Variants in ERICH5 observed in about 807,000 individuals in gnomAD.
The protein encoded by ERICH5 is glutamate-rich protein 5.
In ERICH5, 24 loss-of-function variants were observed where a neutral mutation model predicts 28.0. That is an observed-to-expected ratio of 0.86 (90% CI 0.62 to 1.21). The LOEUF is 1.21. ERICH5 is among the 50% of genes most tolerant of loss of function. ERICH5 has a pLI of 0.00. For missense variants in ERICH5, 421 were observed against 441.2 expected, an observed-to-expected ratio of 0.95 and a Z score of 0.41; for synonymous variants, 163 against 157.6, an observed-to-expected ratio of 1.03 and a Z score of -0.25.
intron 1 of ERICH5, among the ~76,000 whole-genome samples, chr8:98,073,704 G>A (rs1814994612): frequency 1.3e-5 from 2 of 148,422 alleles, no homozygotes; most frequent in African/African-American, 5.0e-5. Context: ...CACCATGCCC[G>A]GCTAATTTTT....
intron 1 of ERICH5, among the ~76,000 whole-genome samples, chr8:98,071,294 T>C (rs1463597774): frequency 6.6e-6 from 1 of 151,788 alleles, no homozygotes; most frequent in East Asian, 1.9e-4. Context: ...AAAGAAAAAA[T>C]CATGCTTCTG....
At chr8:98,077,183 G>A (rs888844019) in intron 1 of ERICH5, among the ~76,000 whole-genome samples, 5 of 152,116 alleles carry the variant, frequency 3.3e-5, no homozygotes, top group Non-Finnish European at 7.4e-5. Flanking sequence ...TGGAAAGATT[G>A]AATGAGATAA....
At chr8:98,075,896 G>A (rs947229782) in intron 1 of ERICH5, among the ~76,000 whole-genome samples, 1 of 147,938 alleles carries the variant, frequency 6.8e-6, no homozygotes, top group African/African-American at 2.5e-5. Flanking sequence ...GTGAGCCACC[G>A]TGCCTGGCCA....
At chr8:98,092,025 T>TCCTTCCTTCCTTCCTTCCTTCCTTCC (rs58823485) in intron 2 of ERICH5, among the ~76,000 whole-genome samples, 50 of 146,294 alleles carry the variant, frequency 3.4e-4, no homozygotes, top group Middle Eastern at 3.4e-3. Flanking sequence ...CTTCCTTCCT[T>TCCTTCCTTCCTTCCTTCCTTCCTTCC]TCGAGACAAG....
intron 2 of ERICH5, among the ~76,000 whole-genome samples, chr8:98,091,900 C>CTTTTCTTTCTTTCTTTCTTT: frequency 1.3e-5 from 1 of 74,676 alleles, no homozygotes; most frequent in African/African-American, 5.6e-5. Flanking sequence ...TTCTTTCTTT[C>CTTTTCTTTCTTTCTTTCTTT]CTTTCTTTCT....
intron 1 of ERICH5, among the ~76,000 whole-genome samples, chr8:98,070,389 G>C (rs1261610479): frequency 4.6e-5 from 7 of 151,630 alleles, no homozygotes; most frequent in African/African-American, 1.7e-4. Flanking sequence ...GGGCGCAGTG[G>C]CTTACCCCTG....
At position 98,091,267 on chromosome 8, in the gene ERICH5, G is replaced by A. The variant is rs539515513; in HGVS notation, c.1012+1238G>A. Among the ~76,000 whole-genome samples the A allele has an allele frequency of 3.9e-5, 6 of 152,146 alleles. No individual in the cohort carries two copies. The South Asian group carries it at 1.2e-3, about 32-fold the overall frequency. On this transcript the variant is annotated intron_variant, in intron 2 of 2. Transcript: ENST00000318528. ...TTCATTTATTAACTCAGCATTTTTT[G>A]GCATGCCTAAACATATGCTAGGTGC...
chr8:98,069,866 G>A (rs969201013), intron 1 of ERICH5, among the ~76,000 whole-genome samples: 3 of 152,232 alleles, frequency 2.0e-5, no homozygotes, highest in Admixed American at 6.5e-5. Context: ...AAAACTTTCA[G>A]ACATTTGTGC....
intron 1 of ERICH5, among the ~76,000 whole-genome samples, chr8:98,077,768 C>T (rs1177913209): frequency 6.6e-6 from 1 of 152,136 alleles, no homozygotes; most frequent in African/African-American, 2.4e-5. Context: ...TGAGGTCTCA[C>T]TATGTTGCCC....
At chr8:98,078,038 G>A (rs954652578) in intron 1 of ERICH5, among the ~76,000 whole-genome samples, 9 of 151,960 alleles carry the variant, frequency 5.9e-5, no homozygotes, top group Non-Finnish European at 1.3e-4. Flanking sequence ...CATTTTTTTG[G>A]TTGATAATTT....
intron 2 of ERICH5, among the ~76,000 whole-genome samples, chr8:98,091,273 C>T (rs1164302559): frequency 6.6e-6 from 1 of 152,116 alleles, no homozygotes; most frequent in East Asian, 1.9e-4. Context: ...TTTTGGCATG[C>T]CTAAACATAT....
chr8:98,074,082 A>G (rs1174844362), intron 1 of ERICH5, among the ~76,000 whole-genome samples: 2 of 151,140 alleles, frequency 1.3e-5, no homozygotes, highest in Non-Finnish European at 2.9e-5. Flanking sequence ...TTTTTTGGAG[A>G]GTTGACATTT....
In ERICH5 at chr8:98,075,741, C is replaced by A. The variant is rs117466548; in HGVS notation, c.58+11014C>A. 1.7e-4 allele frequency among the ~76,000 whole-genome samples: 25 copies of A among 146,056 alleles called. No individual in the cohort carries two copies. The East Asian group carries it at 5.3e-3, about 31-fold the overall frequency. On this transcript the variant is annotated intron_variant, in intron 1 of 2. Transcript: ENST00000318528. ...GTAAAATTTCAGTCTTCCATCCCAG[C>A]CACACAGTTGCTAACTGCTAACTCC...
At chr8:98,091,900 C>CTTTCTTTCTTCCTTTCTTT in intron 2 of ERICH5, among the ~76,000 whole-genome samples, 23 of 74,710 alleles carry the variant, frequency 3.1e-4, no homozygotes, top group African/African-American at 1.2e-3. Flanking sequence ...TTCTTTCTTT[C>CTTTCTTTCTTCCTTTCTTT]CTTTCTTTCT....
chr8:98,071,476 G>A (rs1814917094), intron 1 of ERICH5, among the ~76,000 whole-genome samples: 1 of 152,042 alleles, frequency 6.6e-6, no homozygotes. Context: ...GTAGTACTAG[G>A]TAATTTTTTT....
intron 1 of ERICH5, among the ~76,000 whole-genome samples, chr8:98,072,199 C>T (rs910902955): frequency 2.6e-5 from 4 of 152,196 alleles, no homozygotes; most frequent in African/African-American, 9.7e-5. Flanking sequence ...GGTTTATAGC[C>T]ATGCCAGCAT....
chr8:98,083,851 G>A (rs1315448472), intron 1 of ERICH5, among the ~76,000 whole-genome samples: 4 of 151,908 alleles, frequency 2.6e-5, no homozygotes, highest in African/African-American at 7.3e-5. Flanking sequence ...GTCTCTCACT[G>A]CCCTAAATCC....
At chr8:98,079,199 C>G (rs1447445199) in intron 1 of ERICH5, among the ~76,000 whole-genome samples, 3 of 115,282 alleles carry the variant, frequency 2.6e-5, no homozygotes, top group East Asian at 3.1e-4. Flanking sequence ...GAGACAGGGT[C>G]TCTGTCTGTT....
intron 2 of ERICH5, among the ~76,000 whole-genome samples, chr8:98,090,244 T>G (rs774502338): frequency 1.3e-5 from 2 of 152,204 alleles, no homozygotes; most frequent in Non-Finnish European, 2.9e-5. Flanking sequence ...ATCATCTCTG[T>G]CCAAAATTTT....
Sources: allele counts gnomAD v4.1 joint callset (sites outside exome capture counted in the v4.1 genomes callset), GRCh38; gene constraint gnomAD v4.1.1; transcripts MANE v1.5; gene names NCBI Gene and HGNC (gene_info 2026-07-23, HGNC 2026-07-21).